The following TRIM71 variants were observed in gnomAD, a reference collection of about 807,000 sequenced individuals.
The protein encoded by TRIM71 is E3 ubiquitin-protein ligase TRIM71.
TRIM71 carries 9 observed loss-of-function variants against 61.2 expected under a neutral mutation model. That is an observed-to-expected ratio of 0.15 (90% confidence interval 0.09 to 0.26). The LOEUF (loss-of-function observed/expected upper bound fraction) is 0.26, where lower values mean the gene tolerates loss of function less well. TRIM71 is among the 10% of genes least tolerant of loss of function. The pLI, the probability that TRIM71 is intolerant of heterozygous loss-of-function variation, is 1.00. For synonymous variants in TRIM71, 645 were observed against 553.2 expected (o/e 1.17, Z -2.33); for missense variants, 998 against 1,238.7 (o/e 0.81, Z 2.92).
At chr3:32,853,735 G>A (rs757263106) in intron 1 of TRIM71, among the ~76,000 whole-genome samples, 9 of 152,144 alleles carry the variant, frequency 5.9e-5, no homozygotes, top group Non-Finnish European at 1.3e-4. Flanking sequence ...GGCCTGGTGC[G>A]GTGGCTCACG....
intron 1 of TRIM71, among the ~76,000 whole-genome samples, chr3:32,827,343 A>C (rs1575340739): frequency 7.4e-6 from 1 of 135,356 alleles, no homozygotes; most frequent in Non-Finnish European, 1.6e-5. Context: ...GGCTCCTTGT[A>C]CCTTCTGCCT....
At position 32,893,459 on chromosome 3, in the gene TRIM71, CAG is replaced by C. The variant is rs1214681673; in HGVS notation, c.*1650_*1651del. 6.6e-6 allele frequency: 1 copy of C among 152,142 alleles called. No individual in the cohort carries two copies. Among genetic ancestry groups the C allele is most frequent in the African/African-American group, 2.4e-5 (1 of 41,424 alleles). 9.4% of individuals were successfully genotyped at this position (152,142 alleles called of 1,614,324 possible). A position where few individuals can be genotyped will look rare whatever the true frequency, so the allele number is the denominator to read the frequency against. On this transcript the variant is annotated 3_prime_UTR_variant, in exon 4 of 4. Transcript: ENST00000383763. ...CAGATGTAGCTGATACCCTGCTTGT[CAG>C]AACCCAGTGGGTTCCTGCAATGCCC...
chr3:32,859,292 G>C (rs867404868), intron 1 of TRIM71, among the ~76,000 whole-genome samples: 2 of 152,080 alleles, frequency 1.3e-5, no homozygotes, highest in South Asian at 2.1e-4. Flanking sequence ...ACAGTGTCTC[G>C]CTTTATTGCC....
At chr3:32,852,123 C>T (rs1318554760) in intron 1 of TRIM71, among the ~76,000 whole-genome samples, 1 of 152,094 alleles carries the variant, frequency 6.6e-6, no homozygotes, top group Non-Finnish European at 1.5e-5. Context: ...TATGGTCGGT[C>T]CTCGGCCTTG....
intron 2 of TRIM71, among the ~76,000 whole-genome samples, chr3:32,878,665 A>G (rs567369553): frequency 5.2e-4 from 79 of 152,344 alleles, no homozygotes; most frequent in Non-Finnish European, 6.5e-4. Context: ...TCCGCAAACC[A>G]TGCTACAAAC....
intron 1 of TRIM71, among the ~76,000 whole-genome samples, chr3:32,826,303 C>A (rs985543006): frequency 2.6e-5 from 4 of 152,094 alleles, no homozygotes; most frequent in Admixed American, 2.0e-4. Context: ...ACTCAAAATA[C>A]AAAAATTAGC....
chr3:32,873,090 T>TCCCTCCCC (rs1696815433), intron 1 of TRIM71, among the ~76,000 whole-genome samples: 1 of 48,064 alleles, frequency 2.1e-5, no homozygotes, highest in Non-Finnish European at 4.8e-5. Flanking sequence ...CCTCCCTCCC[T>TCCCTCCCC]CCCTCCCAGC....
At chr3:32,877,384 G>A (rs1696861307) in intron 2 of TRIM71, among the ~76,000 whole-genome samples, 1 of 150,704 alleles carries the variant, frequency 6.6e-6, no homozygotes, top group Non-Finnish European at 1.5e-5. Flanking sequence ...GATATCAGGT[G>A]TGAGCCACCG....
intron 1 of TRIM71, among the ~76,000 whole-genome samples, chr3:32,827,282 T>TTTTTTTTTTTG (rs1696214185): frequency 6.6e-6 from 1 of 151,242 alleles, no homozygotes; most frequent in African/African-American, 2.4e-5. Flanking sequence ...TTTTTTTTTT[T>TTTTTTTTTTTG]GGGTGGAGTC....
intron 3 of TRIM71, among the ~76,000 whole-genome samples, chr3:32,888,937 G>T (rs893680510): frequency 7.9e-5 from 12 of 152,196 alleles, no homozygotes; most frequent in Non-Finnish European, 1.5e-4. Flanking sequence ...TTCCTTTGCT[G>T]AGATAGCTCT....
At position 32,890,730 on chromosome 3, in the gene TRIM71, G is replaced by T. The variant is rs1333421359; in HGVS notation, c.1526G>T (p.Gly509Val). 3 of 1,613,996 alleles carry T rather than the reference G, an allele frequency of 1.9e-6. No individual in the cohort carries two copies. The highest frequency in any genetic ancestry group is 2.5e-6 in the Non-Finnish European group (3 of 1,180,038). Reference sequence around the variant, plus strand: ...AAGGTGGCCTCCTTCACAGTCATTGGTTATGACCACGATGGTGAGCCCCGC... The same window carrying T: ...AAGGTGGCCTCCTTCACAGTCATTGTTTATGACCACGATGGTGAGCCCCGC... ...QGKVASFTVI[G>V]YDHDGEPRLS... The change falls in exon 4 of 4, where the codon GGT (glycine) becomes GTT (valine). Residue 509 changes from glycine (G) to valine (V), a missense_variant. Gly to Val is a moderately radical substitution (Grantham distance 109, BLOSUM62 -3). Around this residue, in one of 5 missense-constraint regions of TRIM71, gnomAD observed 291 missense variants for 431.2 expected, o/e 0.67. Transcript: ENST00000383763. The surrounding 1 kb of genome is among the most constrained non-coding windows in gnomAD (Gnocchi z 6.2).
In TRIM71 at chr3:32,894,682, T is replaced by C. The variant is rs1250661700; in HGVS notation, c.*2871T>C. On this transcript the variant is annotated 3_prime_UTR_variant, in exon 4 of 4. Transcript: ENST00000383763. Reference sequence around the variant, plus strand: ...TTGACTCCTGACCCATAGGGATTGGTGCGAAGCACTTTGGAGAGTGTTTAT... The same window carrying C: ...TTGACTCCTGACCCATAGGGATTGGCGCGAAGCACTTTGGAGAGTGTTTAT... 4 of 152,230 alleles carry C rather than the reference T, an allele frequency of 2.6e-5. No homozygotes were observed. The highest frequency in any genetic ancestry group is 4.4e-5 in the Non-Finnish European group (3 of 68,042). 9.4% of individuals were successfully genotyped at this position (152,230 alleles called of 1,614,324 possible).
At chr3:32,828,568 T>C (rs1696231153) in intron 1 of TRIM71, among the ~76,000 whole-genome samples, 1 of 135,382 alleles carries the variant, frequency 7.4e-6, no homozygotes, top group South Asian at 2.4e-4. Context: ...AGTGCAGTGG[T>C]GCAATCACAG....
chr3:32,855,282 G>A, intron 1 of TRIM71, among the ~76,000 whole-genome samples: 1 of 152,012 alleles, frequency 6.6e-6, no homozygotes, highest in South Asian at 2.1e-4. Flanking sequence ...AAGTTAAGTC[G>A]GGTAAGGGGG....
intron 1 of TRIM71, among the ~76,000 whole-genome samples, chr3:32,826,923 C>T (rs749194593): frequency 3.3e-5 from 5 of 151,680 alleles, no homozygotes; most frequent in Admixed American, 1.3e-4. Context: ...CCACCATGCC[C>T]GGCTAATTGT....
rs1697035846 is a variant in TRIM71 at position 32,892,324 on chromosome 3, CTG to C, written c.*517_*518del. On this transcript the variant is annotated 3_prime_UTR_variant, in exon 4 of 4. Coordinates refer to ENST00000383763, the MANE Select transcript of TRIM71 (RefSeq NM_001039111.3). Reference sequence around the variant, plus strand: ...TTTGAAATGCATAATTATAGAATACCTGTGTTCTTGAGAATACTGTTTATATG... The same window carrying C: ...TTTGAAATGCATAATTATAGAATACCTGTTCTTGAGAATACTGTTTATATG... 1 of 154,044 alleles carries C rather than the reference CTG, an allele frequency of 6.5e-6. No homozygotes were observed. Among genetic ancestry groups the C allele is most frequent in the South Asian group, 2.0e-4 (1 of 4,962 alleles). The allele number at this position is 154,044 out of a possible 1,614,324, so 9.5% of individuals were successfully genotyped here.
chr3:32,869,799 G>A lies in TRIM71; in HGVS notation c.853-4019G>A, dbSNP rs557789774. ...GGGTGGGACGTTCTGGAAGCTGGGG[G>A]CAGGGAAGAGGGTGGTCACTTGCAG... On this transcript the variant is annotated intron_variant, in intron 1 of 3. Coordinates refer to ENST00000383763, the MANE Select transcript of TRIM71 (RefSeq NM_001039111.3). Among the ~76,000 whole-genome samples the A allele has an allele frequency of 4.6e-5, 7 of 152,326 alleles. No individual in the cohort carries two copies. In the South Asian group the frequency reaches 1.4e-3, roughly 32 times the overall value.
chr3:32,876,833 A>G (rs1312852696), intron 2 of TRIM71, among the ~76,000 whole-genome samples: 1 of 152,174 alleles, frequency 6.6e-6, no homozygotes, highest in Non-Finnish European at 1.5e-5. Context: ...ACATGGTGAA[A>G]TCTCAGAGAA....
chr3:32,844,073 A>G (rs1046668897), intron 1 of TRIM71, among the ~76,000 whole-genome samples: 1 of 152,304 alleles, frequency 6.6e-6, no homozygotes, highest in African/African-American at 2.4e-5. Flanking sequence ...ACTGCCCACT[A>G]TGTGCTTACC....
Sources: allele counts gnomAD v4.1 joint callset (sites outside exome capture counted in the v4.1 genomes callset), GRCh38; gene constraint gnomAD v4.1.1; regional missense constraint gnomAD v4.1.1; non-coding constraint Gnocchi (gnomAD v3.1); transcripts MANE v1.5; gene names NCBI Gene and HGNC (gene_info 2026-07-23, HGNC 2026-07-21).